ARSD: variants seen among roughly 807,000 people sequenced by gnomAD.
The protein encoded by ARSD is testis tissue sperm-binding protein Li 39a.
ARSD carries 21 observed loss-of-function variants against 32.6 expected under a neutral mutation model. The observed-to-expected ratio is 0.64, with a 90% CI of 0.46 to 0.93. The LOEUF (loss-of-function observed/expected upper bound fraction) is 0.93. Ranked by LOEUF, ARSD falls within the 40% of genes least tolerant of loss-of-function variation. The pLI, the probability that ARSD is intolerant of heterozygous loss-of-function variation, is 0.00. For missense variants in ARSD, 454 were observed against 520.9 expected, an observed-to-expected ratio of 0.87 and a Z score of 1.25; for synonymous variants, 224 against 237.4, an observed-to-expected ratio of 0.94 and a Z score of 0.52.
intron 4 of ARSD, 101 bp from the exon 5 acceptor site, chrX:2,918,328 C>A: frequency 1.2e-6 from 1 of 828,101 alleles, no homozygotes; most frequent in African/African-American, 2.1e-5. Context: ...AAAGAAAAGT[C>A]TGCAAAGAGC....
At chrX:2,914,007 C>A in intron 6 of ARSD, 1 of 475,193 alleles carries the variant, frequency 2.1e-6, no homozygotes, top group Non-Finnish European at 2.6e-6. Context: ...CAAAAGCTCC[C>A]CGAGGTCTCC....
At chrX:2,917,778 C>G (rs1394060843) in intron 5 of ARSD, 26 bp downstream of exon 5, 2 of 1,184,179 alleles carry the variant, frequency 1.7e-6, no homozygotes, top group Non-Finnish European at 2.3e-6. Flanking sequence ...GCCCCATCTC[C>G]TCTTTAAGAT....
intron 5 of ARSD, 142 bp downstream of exon 5, chrX:2,917,662 C>A: frequency 1.8e-6 from 1 of 550,211 alleles, no homozygotes. Context: ...ATTGTAGAAC[C>A]TGTCTTCCTA....
intron 3 of ARSD, 126 bp downstream of exon 3, chrX:2,921,777 C>T (rs1480844952): frequency 4.2e-5 from 35 of 841,134 alleles, no homozygotes; most frequent in South Asian, 2.6e-4. Context: ...ACAAGGAAGA[C>T]GATGAATTGC....
Position 2,925,645 on chromosome X carries a change from A to T in ARSD, c.165T>A (p.Asp55Glu). ...LIMADDLGTGDLGCYGNNTLR... is the reference protein window; with the variant it reads ...LIMADDLGTGELGCYGNNTLR... ...GTGTATTGTTCCCGTAGCAACCGAGATCCCCAGTGCCTAGATCATCCGCCA... is the reference window on the plus strand; with the variant it reads ...GTGTATTGTTCCCGTAGCAACCGAGTTCCCCAGTGCCTAGATCATCCGCCA... The change falls in exon 2 of 10, where the codon GAT (aspartate) becomes GAA (glutamate). Residue 55 changes from aspartate to glutamate, a missense_variant. By Grantham distance (45) the Asp-to-Glu change is conservative. This residue lies in a region of ARSD where 271 missense variants were observed against 301.0 expected (regional missense o/e 0.90). Coordinates refer to ENST00000381154, the MANE Select transcript of ARSD (RefSeq NM_001669.4). The T allele has an allele frequency of 8.3e-7, 1 of 1,210,872 alleles. No homozygotes were observed. Among genetic ancestry groups the T allele is most frequent in the Non-Finnish European group, 1.1e-6 (1 of 895,214 alleles).
In ARSD at chrX:2,915,055, T is replaced by C. The variant is rs1464336764; in HGVS notation, c.1000+501A>G. Among the ~76,000 whole-genome samples, 5 of 111,858 alleles carry C rather than the reference T, an allele frequency of 4.5e-5. No homozygotes were observed. The Admixed American group carries it at 4.7e-4, about 11-fold the overall frequency. ...ATGCCTGGCTAAGCATTTATTTTTG[T>C]AGAGATGGGGTCTCACTATGTTGTG... is the stretch of plus-strand genomic sequence containing the variant. On this transcript the variant is annotated intron_variant, in intron 6 of 9. Transcript: ENST00000381154.
chrX:2,929,127 C>T, intron 1 of ARSD, 105 bp downstream of exon 1: 2 of 801,177 alleles, frequency 2.5e-6, no homozygotes, highest in Non-Finnish European at 3.2e-6. Context: ...ACGCCCTTTA[C>T]AGGGGCCCAG....
intron 4 of ARSD, chrX:2,920,262 A>T (rs1227054633): frequency 8.7e-6 from 2 of 229,796 alleles, no homozygotes; most frequent in Non-Finnish European, 1.6e-5. Flanking sequence ...AAGAAAAAAA[A>T]ACTCATGAAA....
At chrX:2,909,731 G>C in intron 8 of ARSD, 86 bp downstream of exon 8, 1 of 800,213 alleles carries the variant, frequency 1.2e-6, no homozygotes, top group Non-Finnish European at 1.7e-6. Flanking sequence ...AATACCACCT[G>C]TTCCCCAAAA....
At chrX:2,912,250 T>C (rs6642067) in intron 6 of ARSD, among the ~76,000 whole-genome samples, 42,301 of 110,898 alleles carry the variant, frequency 0.38, 6,814 homozygotes, top group African/African-American at 0.62. Context: ...TTATGAAACC[T>C]TGGCCTCCAC....
intron 3 of ARSD, among the ~76,000 whole-genome samples, chrX:2,921,185 GTCTA>G (rs932180905): frequency 1.8e-5 from 2 of 111,267 alleles, no homozygotes; most frequent in Non-Finnish European, 3.8e-5. Flanking sequence ...TCTATCATAT[GTCTA>G]TCTATCTGTT....
intron 5 of ARSD, among the ~76,000 whole-genome samples, chrX:2,917,126 C>T (rs2088969423): frequency 9.2e-6 from 1 of 108,336 alleles, no homozygotes; most frequent in Non-Finnish European, 1.9e-5. Flanking sequence ...TGGCTCACTT[C>T]TGTAATCTTA....
At position 2,904,996 on chromosome X, in the gene ARSD, T is replaced by C; in HGVS notation, c.*2275A>G. The C allele has an allele frequency of 2.9e-6, 1 of 340,627 alleles. No homozygotes were observed. The highest frequency in any genetic ancestry group is 2.6e-5 in the South Asian group (1 of 38,329). The allele number at this position is 340,627 out of a possible 1,213,427, so 28.1% of individuals were successfully genotyped here. On this transcript the variant is annotated 3_prime_UTR_variant, in exon 10 of 10. Coordinates refer to ENST00000381154, the MANE Select transcript of ARSD (RefSeq NM_001669.4). ...TCTCCAGCCCTAGAAACCTGAGCTC[T>C]ATAAATGTTGCCTCTCTCCACTCAT...
At chrX:2,920,915 A>G (rs1028523968) in intron 3 of ARSD, among the ~76,000 whole-genome samples, 192 bp from the exon 4 acceptor site, 1 of 111,628 alleles carries the variant, frequency 9.0e-6, no homozygotes, top group Non-Finnish European at 1.9e-5. Flanking sequence ...CTACCTACCT[A>G]CATACCTACC....
Position 2,929,294 on chromosome X carries a change from A to G in ARSD, c.-19T>C. The G allele has an allele frequency of 2.0e-6, 2 of 982,493 alleles. No individual in the cohort carries two copies. The highest frequency in any genetic ancestry group is 1.3e-6 in the Non-Finnish European group (1 of 784,687). 81.0% of individuals were successfully genotyped at this position (982,493 alleles called of 1,213,427 possible). On this transcript the variant is annotated 5_prime_UTR_variant, in exon 1 of 10. Transcript: ENST00000381154. ...ATCGCATGGCCGAGCGCTGGCCCAG[A>G]GCGCAGGACCTTGCCCTGCGCACTC...
chrX:2,911,604 A>G (rs2088902224), intron 6 of ARSD, among the ~76,000 whole-genome samples: 1 of 100,602 alleles, frequency 9.9e-6, no homozygotes, highest in Non-Finnish European at 2.0e-5. Context: ...CAGGAGGCGG[A>G]GCTTGCAGTG....
chrX:2,917,814 A>G lies in ARSD; in HGVS notation c.853T>C (p.Tyr285His). Residue 285 changes from tyrosine to histidine, a missense_variant, in exon 5 of 10, where the codon TAT becomes CAT. Physicochemically the swap from Tyr to His is moderately conservative, Grantham distance 83 (BLOSUM62 2). Around this residue, in one of 3 missense-constraint regions of ARSD, gnomAD observed 271 missense variants for 301.0 expected, o/e 0.90. Coordinates refer to ENST00000381154, the MANE Select transcript of ARSD (RefSeq NM_001669.4). ...GCGATGGTTGCTTACCTTTCAATAT[A>G]GGAAACAGCTTCCTTTAGCATAAGA... ...ASLMLKEAVS[Y>H]IERHKHGPFL... 1 of 1,206,833 alleles carries G rather than the reference A, an allele frequency of 8.3e-7. No individual in the cohort carries two copies. The highest frequency in any genetic ancestry group is 1.1e-6 in the Non-Finnish European group (1 of 892,144).
chrX:2,911,465 T>C (rs2088900507), intron 6 of ARSD, among the ~76,000 whole-genome samples: 1 of 104,960 alleles, frequency 9.5e-6, no homozygotes, highest in South Asian at 4.3e-4. Flanking sequence ...GGTCAGGAGA[T>C]TGAGACCATC....
rs188903199 is a variant in ARSD, at chrX:2,923,248, T to G, written c.195-1224A>C. ...CAGCACTTTGGGGGGCTAAGGTGGG[T>G]GGATCACTTGAGGCCAGGAGTTCGA... On this transcript the variant is annotated intron_variant, in intron 2 of 9. Transcript: ENST00000381154. 1,703 of 241,858 alleles carry G rather than the reference T, an allele frequency of 7.0e-3. 33 individuals are homozygous for G. The highest frequency in any genetic ancestry group is 0.046 in the African/African-American group (1,569 of 33,804). The allele number at this position is 241,858 out of a possible 1,213,427, so 19.9% of individuals were successfully genotyped here.
Sources: gnomAD v4.1 joint callset for allele counts (sites outside exome capture counted in the v4.1 genomes callset) on GRCh38, gnomAD v4.1.1 for gene constraint, gnomAD v4.1.1 regional missense constraint, MANE v1.5 for transcripts, NCBI Gene and HGNC (gene_info 2026-07-23, HGNC 2026-07-21) for gene names.